Variants in ADNP observed in about 807,000 individuals in gnomAD.
ADNP encodes activity-dependent neuroprotector homeobox protein.
Under a neutral mutation model 84.9 loss-of-function variants are expected in ADNP, and 4 were observed. The ratio of observed to expected loss-of-function variants is 0.05; its 90% CI spans 0.02 to 0.11. ADNP has a LOEUF of 0.11. ADNP is among the 10% of genes least tolerant of loss of function. ADNP has a pLI of 1.00. For synonymous variants in ADNP, 554 were observed against 468.1 expected, an observed-to-expected ratio of 1.18 and a Z score of -2.37; for missense variants, 1,132 against 1,326.0, an observed-to-expected ratio of 0.85 and a Z score of 2.27.
intron 2 of ADNP, among the ~76,000 whole-genome samples, chr20:50,908,570 C>T (rs545521699): frequency 1.1e-4 from 17 of 151,824 alleles, no homozygotes; most frequent in Middle Eastern, 3.4e-3. Context: ...GTCAGGAGAT[C>T]GAGACCATCC....
rs760136009 is a variant in ADNP, at chr20:50,894,092, C to A, written c.622G>T (p.Ala208Ser). 3.1e-6 allele frequency: 5 copies of A among 1,614,124 alleles called. No homozygotes were observed. Among genetic ancestry groups the A allele is most frequent in the South Asian group, 2.2e-5 (2 of 91,076 alleles). Reference protein sequence around the residue: ...AKAGEKSLNGAVPLGSNAREE... With the variant: ...AKAGEKSLNGSVPLGSNAREE... ...CGGGCATTCGAGCCTAAGGGGACTG[C>A]CCCATTGAGTGATTTTTCTCCTGCC... The change falls in exon 6 of 6, where the codon GCA (alanine) becomes TCA (serine). Residue 208 changes from alanine to serine, a missense_variant. By Grantham distance (99) the Ala-to-Ser change is moderately conservative (BLOSUM62 1). Around this residue, in one of 10 missense-constraint regions of ADNP, gnomAD observed 130 missense variants for 183.7 expected, o/e 0.71. Transcript: ENST00000621696.
chr20:50,906,779 T>C (rs1405241332), intron 2 of ADNP, among the ~76,000 whole-genome samples: 1 of 152,118 alleles, frequency 6.6e-6, no homozygotes, highest in Non-Finnish European at 1.5e-5. Flanking sequence ...AACTTGTAAT[T>C]TATAAAAAGC....
chr20:50,891,899 T>G lies in ADNP; in HGVS notation c.2815A>C (p.Ile939Leu), dbSNP rs201104498. Residue 939 changes from isoleucine (I) to leucine (L), a missense_variant, in exon 6 of 6, where the codon ATT (isoleucine) becomes CTT (leucine). Ile to Leu is a conservative substitution (Grantham distance 5). Around this residue, in one of 10 missense-constraint regions of ADNP, gnomAD observed 381 missense variants for 319.9 expected, o/e 1.19. Transcript: ENST00000621696. ...TTGGTTGGTTCCTCAGTCAAATGAA[T>G]AGTTTCGTATTTTGAACCATCCTCT... Reference protein sequence around the residue: ...QKEDGSKYETIHLTEEPTKLM... With the variant: ...QKEDGSKYETLHLTEEPTKLM... 117 of 1,614,238 alleles carry G rather than the reference T, an allele frequency of 7.2e-5. No homozygotes were observed. In the East Asian group the frequency reaches 1.6e-3, roughly 23 times the overall value.
intron 5 of ADNP, among the ~76,000 whole-genome samples, chr20:50,898,704 G>T (rs1000165315): frequency 6.6e-6 from 1 of 152,126 alleles, no homozygotes; most frequent in African/African-American, 2.4e-5. Flanking sequence ...TATGCTTAGG[G>T]GCCATGATGA....
chr20:50,897,259 G>T (rs778303228), intron 5 of ADNP, among the ~76,000 whole-genome samples: 9 of 152,190 alleles, frequency 5.9e-5, no homozygotes, highest in Non-Finnish European at 1.2e-4. Flanking sequence ...TCAGACTTAA[G>T]GAGCTTGCTG....
intron 1 of ADNP, among the ~76,000 whole-genome samples, chr20:50,929,285 T>A (rs1364555136): frequency 6.6e-6 from 1 of 152,226 alleles, no homozygotes; most frequent in Non-Finnish European, 1.5e-5. Context: ...GAACCAAGGA[T>A]GTGCCAAGGT....
chr20:50,896,871 G>A (rs1367482348), intron 5 of ADNP, among the ~76,000 whole-genome samples: 1 of 152,164 alleles, frequency 6.6e-6, no homozygotes, highest in Non-Finnish European at 1.5e-5. Flanking sequence ...ATTGTAAGCA[G>A]ATAATGAACC....
At chr20:50,919,467 C>A (rs141859308) in intron 2 of ADNP, among the ~76,000 whole-genome samples, 2 of 151,936 alleles carry the variant, frequency 1.3e-5, no homozygotes, top group African/African-American at 4.8e-5. Flanking sequence ...TGGTTTTTTT[C>A]CCTGCTGTAT....
intron 5 of ADNP, among the ~76,000 whole-genome samples, chr20:50,900,000 G>T (rs1026429053): frequency 2.0e-5 from 3 of 151,418 alleles, no homozygotes; most frequent in African/African-American, 7.3e-5. Context: ...TATTACAAAA[G>T]ATTCAGAAGT....
intron 2 of ADNP, chr20:50,909,393 A>AAAAAAAAAAT (rs1982824970): frequency 7.6e-6 from 1 of 130,992 alleles, no homozygotes. Context: ...AAAAAAAAAA[A>AAAAAAAAAAT]GAAATCAGAT....
chr20:50,898,192 C>G (rs1156879838), intron 5 of ADNP, among the ~76,000 whole-genome samples: 1 of 152,206 alleles, frequency 6.6e-6, no homozygotes, highest in East Asian at 1.9e-4. Flanking sequence ...CTCAGCTTAT[C>G]TAGAGTTTCC....
Position 50,893,624 on chromosome 20 carries a change from G to C in ADNP, c.1090C>G (p.Gln364Glu). ...NAPVSIPQQS[Q>E]SVKQLLPSGN... The stretch of plus-strand genomic sequence containing the variant: ...CTTGGAAGTAACTGCTTTACAGACT[G>C]AGATTGTTGAGGAATGGAAACTGGT... Residue 364 changes from glutamine (Q) to glutamate (E), a missense_variant, in exon 6 of 6, where the codon CAG (glutamine) becomes GAG (glutamate). By Grantham distance (29) the Gln-to-Glu change is conservative (BLOSUM62 2). Transcript: ENST00000621696. The surrounding 1 kb of genome is among the most constrained non-coding windows in gnomAD (Gnocchi z 4.4). 6.2e-7 allele frequency: 1 copy of C among 1,614,156 alleles called. No individual in the cohort carries two copies. The highest frequency in any genetic ancestry group is 8.5e-7 in the Non-Finnish European group (1 of 1,180,030).
chr20:50,917,878 A>G (rs565345099), intron 2 of ADNP, among the ~76,000 whole-genome samples: 7 of 152,346 alleles, frequency 4.6e-5, no homozygotes, highest in Non-Finnish European at 7.4e-5. Flanking sequence ...GAACCATGAA[A>G]AAGAATAAAG....
Position 50,892,053 on chromosome 20 carries a change from A to G in ADNP, c.2661T>C (p.Asn887=). 6.2e-7 allele frequency: 1 copy of G among 1,614,156 alleles called. No homozygotes were observed. The highest frequency in any genetic ancestry group is 1.3e-5 in the African/African-American group (1 of 75,042). Residue 887 remains asparagine (N), a synonymous_variant, in exon 6 of 6, where the codon AAT becomes AAC. Transcript: ENST00000621696. The part of the protein sequence containing the change: ...DSFENLEEES[N]ESGSPFDPVF... ...CAGGGTCAAAAGGGCTACCACTTTCATTGGATTCTTCTTCCAAATTTTCAA... is the reference window on the plus strand; with the variant it reads ...CAGGGTCAAAAGGGCTACCACTTTCGTTGGATTCTTCTTCCAAATTTTCAA...
At position 50,893,723 on chromosome 20, in the gene ADNP, T is replaced by C; in HGVS notation, c.991A>G (p.Asn331Asp). The change falls in exon 6 of 6, where the codon AAC becomes GAC. Residue 331 changes from asparagine (N) to aspartate (D), a missense_variant. Coordinates refer to ENST00000621696, the MANE Select transcript of ADNP (RefSeq NM_001282531.3). This position sits in a 1 kb window ranked among gnomAD's most constrained non-coding sequence, Gnocchi z 4.4. ...TGGCCTACAGATTTGACTCCATAGT[T>C]GTTCTGCTGCAGATGAACACTGGAC... ...MMSSVHLQQN[N>D]YGVKSVGQGY... 1.2e-6 allele frequency: 2 copies of C among 1,614,136 alleles called. No homozygotes were observed. Among genetic ancestry groups the C allele is most frequent in the Non-Finnish European group, 1.7e-6 (2 of 1,180,028 alleles).
chr20:50,901,410 G>C (rs1027768295), intron 5 of ADNP, among the ~76,000 whole-genome samples: 1 of 148,416 alleles, frequency 6.7e-6, no homozygotes, highest in Admixed American at 6.8e-5. Context: ...GATCATTAAT[G>C]CAGAATGAGA....
At position 50,893,824 on chromosome 20, in the gene ADNP, G is replaced by A; in HGVS notation, c.890C>T (p.Ser297Phe). The change falls in exon 6 of 6, where the codon TCT becomes TTT. Residue 297 changes from serine to phenylalanine, a missense_variant. Around this residue, in one of 10 missense-constraint regions of ADNP, gnomAD observed 239 missense variants for 213.2 expected, o/e 1.12. Coordinates refer to ENST00000621696, the MANE Select transcript of ADNP (RefSeq NM_001282531.3). This position sits in a 1 kb window ranked among gnomAD's most constrained non-coding sequence, Gnocchi z 4.4. ...IGSLASGNVR[S>F]LPSQQMVNRL... The stretch of plus-strand genomic sequence containing the variant: ...ATTCACCATCTGCTGTGATGGTAAA[G>A]ACCGGACATTTCCAGAAGCAAGGGA... The A allele has an allele frequency of 6.2e-7, 1 of 1,614,188 alleles. No homozygotes were observed. The highest frequency in any genetic ancestry group is 8.5e-7 in the Non-Finnish European group (1 of 1,180,034).
At chr20:50,895,518 A>G (rs1054047181) in intron 5 of ADNP, among the ~76,000 whole-genome samples, 1 of 152,224 alleles carries the variant, frequency 6.6e-6, no homozygotes, top group Admixed American at 6.5e-5. Context: ...ACTACTGTAG[A>G]CTTTATGAAC....
chr20:50,890,085 T>C lies in ADNP; in HGVS notation c.*1320A>G, dbSNP rs1980503984. On this transcript the variant is annotated 3_prime_UTR_variant, in exon 6 of 6. Coordinates refer to ENST00000621696, the MANE Select transcript of ADNP (RefSeq NM_001282531.3). ...TACATATATATGCAGGCTCTGCTCC[T>C]TAACAAAAGGTGAACTGAAAAACTC... 1 of 225,312 alleles carries C rather than the reference T, an allele frequency of 4.4e-6. No homozygotes were observed. Among genetic ancestry groups the C allele is most frequent in the Non-Finnish European group, 8.4e-6 (1 of 119,374 alleles). 14.0% of individuals were successfully genotyped at this position (225,312 alleles called of 1,614,324 possible). A position where few individuals can be genotyped will look rare whatever the true frequency, so the allele number is the denominator to read the frequency against.
Sources: gnomAD v4.1 joint callset for allele counts (sites outside exome capture counted in the v4.1 genomes callset) on GRCh38, gnomAD v4.1.1 for gene constraint, gnomAD v4.1.1 regional missense constraint, Gnocchi (gnomAD v3.1) non-coding constraint, MANE v1.5 for transcripts, NCBI Gene and HGNC (gene_info 2026-07-23, HGNC 2026-07-21) for gene names.